SUGCT: variants seen among roughly 807,000 people sequenced by gnomAD.
The protein encoded by SUGCT is succinyl-CoA:glutarate CoA-transferase.
A neutral mutation model predicts 55.0 loss-of-function variants in SUGCT; 41 were observed. The observed-to-expected ratio is 0.74, with a 90% CI of 0.58 to 0.97. The LOEUF (loss-of-function observed/expected upper bound fraction) is 0.97, where lower values mean the gene tolerates loss of function less well. SUGCT is among the 50% of genes least tolerant of loss of function. The pLI, the probability that SUGCT is intolerant of heterozygous loss-of-function variation, is 0.00. For synonymous variants in SUGCT, 187 were observed against 200.4 expected (o/e 0.93, Z 0.56); for missense variants, 568 against 547.8 (o/e 1.04, Z -0.37).
rs17150954 is a variant in SUGCT, at chr7:40,686,502, T to C, written c.1090-62932T>C. The stretch of plus-strand genomic sequence containing the variant: ...ACAGAAAGACAGCATTAACTATTGA[T>C]ATTTCAGAGCGTGGCATTGATAAGC... On this transcript the variant is annotated intron_variant, in intron 12 of 13. Transcript: ENST00000335693. Among the ~76,000 whole-genome samples, 414 of 152,340 alleles carry C rather than the reference T, an allele frequency of 2.7e-3. 9 individuals are homozygous for C. In the East Asian group the frequency reaches 0.073, roughly 27 times the overall value.
At chr7:40,354,343 G>A (rs1211520307) in intron 9 of SUGCT, among the ~76,000 whole-genome samples, 1 of 152,160 alleles carries the variant, frequency 6.6e-6, no homozygotes, top group African/African-American at 2.4e-5. Context: ...GGTGGGAAAA[G>A]CAGGGATCTG....
intron 13 of SUGCT, among the ~76,000 whole-genome samples, chr7:40,810,544 G>T (rs887293570): frequency 6.6e-6 from 1 of 152,042 alleles, no homozygotes; most frequent in African/African-American, 2.4e-5. Context: ...TCATATGTTT[G>T]TTGGCCACTT....
intron 9 of SUGCT, among the ~76,000 whole-genome samples, chr7:40,377,169 T>C (rs867181704): frequency 1.2e-4 from 2 of 16,058 alleles, no homozygotes; most frequent in South Asian, 4.8e-3. Context: ...TTTCTTTCTT[T>C]CTTTCTTTCT....
At chr7:41,029,117 T>C in the SUGCT span, among the ~76,000 whole-genome samples, 2 of 152,176 alleles carry the variant, frequency 1.3e-5, no homozygotes, top group Admixed American at 1.3e-4. Flanking sequence ...CTCAGTGATG[T>C]GGGAGCCCTC....
At chr7:40,714,651 CT>C (rs1785918186) in intron 12 of SUGCT, among the ~76,000 whole-genome samples, 1 of 152,152 alleles carries the variant, frequency 6.6e-6, no homozygotes, top group South Asian at 2.1e-4. Context: ...CTGCATAGGT[CT>C]TCAATAATAG....
At chr7:40,575,058 AT>A (rs1796654952) in intron 12 of SUGCT, among the ~76,000 whole-genome samples, 1 of 138,542 alleles carries the variant, frequency 7.2e-6, no homozygotes, top group Non-Finnish European at 1.5e-5. Flanking sequence ...CATTAAGCAG[AT>A]TTTTTTCAGT....
At chr7:40,409,988 A>G (rs1426953295) in intron 9 of SUGCT, among the ~76,000 whole-genome samples, 1 of 152,114 alleles carries the variant, frequency 6.6e-6, no homozygotes, top group Non-Finnish European at 1.5e-5. Context: ...TACCTGTCTT[A>G]GTGTCTGTGT....
intron 12 of SUGCT, among the ~76,000 whole-genome samples, chr7:40,592,197 C>T (rs1797762778): frequency 6.6e-6 from 1 of 152,176 alleles, no homozygotes; most frequent in Non-Finnish European, 1.5e-5. Context: ...CTTTCACCCT[C>T]AGGAATTGCT....
the SUGCT span, among the ~76,000 whole-genome samples, chr7:40,933,331 G>A: frequency 6.6e-6 from 1 of 152,086 alleles, no homozygotes; most frequent in African/African-American, 2.4e-5. Context: ...TCCCTTTGTG[G>A]GTAACTCGAC....
At chr7:40,905,020 A>G in the SUGCT span, among the ~76,000 whole-genome samples, 1 of 152,192 alleles carries the variant, frequency 6.6e-6, no homozygotes, top group Non-Finnish European at 1.5e-5. Context: ...TAAAATCTCT[A>G]TAACATGGTT....
intron 12 of SUGCT, among the ~76,000 whole-genome samples, chr7:40,675,154 G>A (rs1783905068): frequency 6.6e-6 from 1 of 150,546 alleles, no homozygotes; most frequent in South Asian, 2.1e-4. Flanking sequence ...TCCGCCTCTT[G>A]GGTTCAAGCA....
chr7:40,265,752 C>T (rs1006421654), intron 7 of SUGCT, among the ~76,000 whole-genome samples: 2 of 152,014 alleles, frequency 1.3e-5, no homozygotes, highest in African/African-American at 2.4e-5. Flanking sequence ...GCCATGAGAT[C>T]GAGACCAGGC....
At chr7:40,852,622 A>G (rs1024068381) in intron 13 of SUGCT, among the ~76,000 whole-genome samples, 13 of 149,300 alleles carry the variant, frequency 8.7e-5, no homozygotes, top group African/African-American at 3.0e-4. Context: ...TTTTTTTTCA[A>G]TTCCTTGAAC....
At chr7:41,002,585 G>T in the SUGCT span, among the ~76,000 whole-genome samples, 1 of 145,936 alleles carries the variant, frequency 6.9e-6, no homozygotes, top group Non-Finnish European at 1.5e-5. Flanking sequence ...GTCCATTTTA[G>T]ATTTAACAAT....
At chr7:40,361,874 A>C (rs549809271) in intron 9 of SUGCT, among the ~76,000 whole-genome samples, 1 of 152,040 alleles carries the variant, frequency 6.6e-6, no homozygotes, top group African/African-American at 2.4e-5. Context: ...GGATCTTAAG[A>C]AATATCCTGA....
At chr7:40,227,796 G>A (rs920257123) in intron 6 of SUGCT, among the ~76,000 whole-genome samples, 9 of 151,176 alleles carry the variant, frequency 6.0e-5, no homozygotes, top group South Asian at 2.1e-4. Context: ...CAGCACTTTC[G>A]GAGGCCAATG....
chr7:40,268,083 T>G (rs769496999), intron 7 of SUGCT, among the ~76,000 whole-genome samples: 7 of 152,226 alleles, frequency 4.6e-5, no homozygotes, highest in Non-Finnish European at 1.0e-4. Context: ...TTATGGAGTT[T>G]AAAAATACAA....
intron 13 of SUGCT, among the ~76,000 whole-genome samples, chr7:40,810,232 C>T (rs1036035448): frequency 6.6e-6 from 1 of 151,898 alleles, no homozygotes; most frequent in Non-Finnish European, 1.5e-5. Context: ...CCCAAGCAAT[C>T]CTCCCACCTC....
At chr7:40,997,072 C>T in the SUGCT span, among the ~76,000 whole-genome samples, 1 of 152,146 alleles carries the variant, frequency 6.6e-6, no homozygotes, top group Admixed American at 6.5e-5. Context: ...AGCTGGCACC[C>T]CATGAAAACC....
Sources: allele counts gnomAD v4.1 joint callset (sites outside exome capture counted in the v4.1 genomes callset), GRCh38; gene constraint gnomAD v4.1.1; transcripts MANE v1.5; gene names NCBI Gene and HGNC (gene_info 2026-07-23, HGNC 2026-07-21).